DNM3: variants seen among roughly 807,000 people sequenced by gnomAD.
DNM3 encodes the protein dynamin 3.
A neutral mutation model predicts 101.6 loss-of-function variants in DNM3; 47 were observed. That is an observed-to-expected ratio of 0.46 (90% confidence interval 0.37 to 0.59). DNM3 has a LOEUF of 0.59. DNM3 is among the 20% of genes least tolerant of loss of function. The pLI is 0.00. For missense variants in DNM3, 849 were observed against 1,085.7 expected (o/e 0.78, Z 3.06); for synonymous variants, 385 against 387.9 (o/e 0.99, Z 0.09).
chr1:172,035,041 T>C (rs989994989), intron 6 of DNM3, among the ~76,000 whole-genome samples: 11 of 151,850 alleles, frequency 7.2e-5, no homozygotes, highest in African/African-American at 2.7e-4. Flanking sequence ...AAATGAGAAA[T>C]TATGGGAATT....
intron 7 of DNM3, among the ~76,000 whole-genome samples, chr1:172,041,560 A>C (rs1412519868): frequency 1.3e-5 from 2 of 152,136 alleles, no homozygotes; most frequent in African/African-American, 4.8e-5. Flanking sequence ...AAGCTATGGC[A>C]ACCTTGAGAT....
chr1:172,193,446 T>A (rs183625330), intron 14 of DNM3, among the ~76,000 whole-genome samples: 7 of 152,312 alleles, frequency 4.6e-5, no homozygotes, highest in African/African-American at 1.7e-4. Flanking sequence ...AACCAGCTCC[T>A]CTTTCTACCT....
Position 171,944,853 on chromosome 1 carries a change from TCC to T in DNM3, c.235+23033_235+23034del, listed in dbSNP as rs372859916. Among the ~76,000 whole-genome samples the T allele has an allele frequency of 4.7e-3, 427 of 91,712 alleles. 98 individuals are homozygous for T. The highest frequency in any genetic ancestry group is 7.8e-3 in the African/African-American group (160 of 20,574). 60.2% of individuals were successfully genotyped at this position (91,712 alleles called of 152,430 possible). On this transcript the variant is annotated intron_variant, in intron 2 of 20. Transcript: ENST00000627582. ...TTTTGTTTTCTTTTTTTTTGGTGTT[TCC>T]TTTTTTTTTTTTTTTTTTTTTTTTT...
At chr1:172,377,417 T>TA in intron 17 of DNM3, among the ~76,000 whole-genome samples, 1 of 151,744 alleles carries the variant, frequency 6.6e-6, no homozygotes, top group East Asian at 1.9e-4. Context: ...CGGCAAAATC[T>TA]AAAATCCAAG....
intron 1 of DNM3, among the ~76,000 whole-genome samples, chr1:171,865,104 T>TCA (rs1310988009): frequency 6.6e-6 from 1 of 151,796 alleles, no homozygotes; most frequent in East Asian, 1.9e-4. Flanking sequence ...GTCTTGCTTT[T>TCA]CTGCAAAGGA....
At chr1:172,133,027 G>C in intron 14 of DNM3, 2 of 1,503,996 alleles carry the variant, frequency 1.3e-6, no homozygotes, top group Non-Finnish European at 1.8e-6. Context: ...TCCCAGAGAT[G>C]CCTGGAGTTG....
At position 171,841,564 on chromosome 1, in the gene DNM3, C is replaced by CGCA. The variant is rs1425272047; in HGVS notation, c.-81_-79dup. On this transcript the variant is annotated 5_prime_UTR_variant, in exon 1 of 21. Coordinates refer to ENST00000627582, the MANE Select transcript of DNM3 (RefSeq NM_015569.5). ...CCAGGACCTGGCTGGCTGAGCCCGG[C>CGCA]GCAGCAGCAGCAGCCAGGGCAGCGC... 6 of 1,476,704 alleles carry CGCA rather than the reference C, an allele frequency of 4.1e-6. No homozygotes were observed. The African/African-American group carries it at 4.3e-5, about 11-fold the overall frequency. 91.5% of individuals were successfully genotyped at this position (1,476,704 alleles called of 1,614,324 possible).
At chr1:172,389,660 A>T (rs1223120083) in intron 20 of DNM3, among the ~76,000 whole-genome samples, 2 of 152,222 alleles carry the variant, frequency 1.3e-5, no homozygotes, top group East Asian at 3.8e-4. Context: ...GTTAATTTTT[A>T]AAAAATTCAA....
chr1:172,370,163 T>A (rs2068249435), intron 17 of DNM3: 1 of 151,930 alleles, frequency 6.6e-6, no homozygotes, highest in Non-Finnish European at 1.5e-5. Flanking sequence ...TTTGGACCTA[T>A]TTGGTTAAAA....
At chr1:172,195,955 G>C (rs919927741) in intron 14 of DNM3, among the ~76,000 whole-genome samples, 1 of 150,896 alleles carries the variant, frequency 6.6e-6, no homozygotes, top group Non-Finnish European at 1.5e-5. Context: ...GGTTTGTTAC[G>C]TAGGTAAACT....
chr1:172,270,371 T>C (rs774903874), intron 15 of DNM3, among the ~76,000 whole-genome samples: 3 of 152,186 alleles, frequency 2.0e-5, no homozygotes, highest in Non-Finnish European at 4.4e-5. Flanking sequence ...AACCTGTCTT[T>C]TAAAAATAAC....
intron 13 of DNM3, among the ~76,000 whole-genome samples, chr1:172,109,088 T>C (rs1032076529): frequency 2.0e-5 from 3 of 152,230 alleles, no homozygotes; most frequent in Non-Finnish European, 4.4e-5. Flanking sequence ...AGTTTTAATT[T>C]GAGTCTCAAT....
intron 14 of DNM3, among the ~76,000 whole-genome samples, chr1:172,224,789 T>C (rs2061041040): frequency 6.6e-6 from 1 of 152,210 alleles, no homozygotes; most frequent in Admixed American, 6.5e-5. Context: ...AAATCTTCCA[T>C]GAAATCCCAT....
intron 13 of DNM3, among the ~76,000 whole-genome samples, chr1:172,130,383 GA>G (rs1040313400): frequency 2.0e-5 from 3 of 151,692 alleles, no homozygotes; most frequent in African/African-American, 7.3e-5. Flanking sequence ...ACTCTGAGGG[GA>G]AAAAAACCTC....
rs150784329 is a variant in DNM3 at position 172,229,750 on chromosome 1, C to CCACA, written c.1660-23810_1660-23807dup. Among the ~76,000 whole-genome samples the CCACA allele has an allele frequency of 4.3e-3, 648 of 150,374 alleles. 10 individuals are homozygous for CCACA. Among genetic ancestry groups the CCACA allele is most frequent in the African/African-American group, 0.015 (597 of 41,070 alleles). On this transcript the variant is annotated intron_variant, in intron 14 of 20. Transcript: ENST00000627582. Reference sequence around the variant, plus strand: ...TTATACTACAAAACATACACGCACGCCACACACACACACACATACATACAT... The same window carrying CCACA: ...TTATACTACAAAACATACACGCACGCCACACACACACACACACACATACATACAT...
At chr1:171,901,427 A>G (rs532897327) in intron 1 of DNM3, among the ~76,000 whole-genome samples, 7 of 152,202 alleles carry the variant, frequency 4.6e-5, no homozygotes, top group East Asian at 3.9e-4. Flanking sequence ...CACAGAGCCC[A>G]CTCAGCTCCA....
At position 172,409,765 on chromosome 1, in the gene DNM3, TCTTC is replaced by T; in HGVS notation, c.*1928_*1931del. On this transcript the variant is annotated 3_prime_UTR_variant, in exon 21 of 21. Transcript: ENST00000627582. ...TCTTGTTTTTAGGATTCCCTTTGCT[TCTTC>T]CTTTGAATTCTCTAAAATAGGCAGC... 5.1e-6 allele frequency: 5 copies of T among 985,696 alleles called. No homozygotes were observed. Among genetic ancestry groups the T allele is most frequent in the Non-Finnish European group, 6.0e-6 (5 of 829,796 alleles). The allele number at this position is 985,696 out of a possible 1,614,324, so 61.1% of individuals were successfully genotyped here.
chr1:172,406,355 A>G (rs1371807665), intron 20 of DNM3, among the ~76,000 whole-genome samples: 1 of 152,042 alleles, frequency 6.6e-6, no homozygotes, highest in Middle Eastern at 3.2e-3. Flanking sequence ...CCCTTCAGAA[A>G]CTTCCTATCA....
At chr1:172,346,476 T>C (rs1160818449) in intron 17 of DNM3, among the ~76,000 whole-genome samples, 2 of 152,172 alleles carry the variant, frequency 1.3e-5, no homozygotes, top group East Asian at 1.9e-4. Flanking sequence ...CATTTAAACA[T>C]GGGATCATCT....
Sources: gnomAD v4.1 joint callset for allele counts (sites outside exome capture counted in the v4.1 genomes callset) on GRCh38, gnomAD v4.1.1 for gene constraint, MANE v1.5 for transcripts, NCBI Gene and HGNC (gene_info 2026-07-23, HGNC 2026-07-21) for gene names.